MICALL2: variants seen among roughly 807,000 people sequenced by gnomAD.
MICALL2 encodes MICAL like 2.
MICALL2 carries 111 observed loss-of-function variants against 91.1 expected under a neutral mutation model. The ratio of observed to expected loss-of-function variants is 1.22; its 90% CI spans 1.04 to 1.43. The LOEUF (loss-of-function observed/expected upper bound fraction) is 1.43. MICALL2 is among the 40% of genes most tolerant of loss of function. MICALL2 has a pLI of 0.00. For synonymous variants in MICALL2, 694 were observed against 525.3 expected, an observed-to-expected ratio of 1.32 and a Z score of -4.39; for missense variants, 1,556 against 1,236.0, an observed-to-expected ratio of 1.26 and a Z score of -3.88.
intron 1 of MICALL2, among the ~76,000 whole-genome samples, chr7:1,458,864 G>A (rs1781111200): frequency 1.3e-5 from 2 of 152,256 alleles, no homozygotes; most frequent in Admixed American, 6.5e-5. Context: ...GAGCCTCGGA[G>A]GGCCCAAAGA....
chr7:1,435,253 T>A, intron 15 of MICALL2, 106 bp from the exon 16 acceptor site: 1 of 1,145,468 alleles, frequency 8.7e-7, no homozygotes, highest in Non-Finnish European at 1.3e-6. Flanking sequence ...GAGTCCCGCC[T>A]GGACCCATGC....
At chr7:1,443,427 T>C (rs1260510999) in intron 6 of MICALL2, among the ~76,000 whole-genome samples, 1 of 152,176 alleles carries the variant, frequency 6.6e-6, no homozygotes, top group Non-Finnish European at 1.5e-5. Context: ...AACGGCGTTG[T>C]CAGCCAGGCT....
Position 1,448,727 on chromosome 7 carries a change from G to A in MICALL2, c.227C>T (p.Pro76Leu), listed in dbSNP as rs1270483574. ...CATGTCCTCGGCATCCAGCAAGGCTGGGATGCCCAAGTGCTCCTCGGCCAC... is the reference window on the plus strand; with the variant it reads ...CATGTCCTCGGCATCCAGCAAGGCTAGGATGCCCAAGTGCTCCTCGGCCAC... ...FRVAEEHLGI[P>L]ALLDAEDMVA... The change falls in exon 3 of 17, where the codon CCA (proline) becomes CTA (leucine). Residue 76 changes from proline (P) to leucine (L), a missense_variant. Transcript: ENST00000297508. The A allele has an allele frequency of 1.2e-6, 2 of 1,612,640 alleles. No individual in the cohort carries two copies. The highest frequency in any genetic ancestry group is 1.7e-6 in the Non-Finnish European group (2 of 1,179,922).
chr7:1,435,282 G>C (rs2128518256), intron 15 of MICALL2, 135 bp from the exon 16 acceptor site: 1 of 815,048 alleles, frequency 1.2e-6, no homozygotes. Flanking sequence ...CCTTCCTGCT[G>C]ACAGGCCACA....
intron 3 of MICALL2, 41 bp downstream of exon 3, chr7:1,448,579 G>C: frequency 6.2e-7 from 1 of 1,609,920 alleles, no homozygotes. Flanking sequence ...AGGATGGGGG[G>C]CCTGGTCCTG....
intron 5 of MICALL2, 76 bp downstream of exon 5, chr7:1,446,637 G>C: frequency 7.5e-6 from 8 of 1,068,644 alleles, no homozygotes; most frequent in Non-Finnish European, 1.1e-5. Flanking sequence ...AGGCCGGGTG[G>C]GAGGCGATGG....
rs77673291 is a variant in MICALL2, at chr7:1,451,592, T to C, written c.144-1304A>G. 0.048 allele frequency among the ~76,000 whole-genome samples: 7,249 copies of C among 152,258 alleles called. 567 individuals carry two copies. The highest frequency in any genetic ancestry group is 0.16 in the African/African-American group (6,731 of 41,536). On this transcript the variant is annotated intron_variant, in intron 1 of 16. Coordinates refer to ENST00000297508, the MANE Select transcript of MICALL2 (RefSeq NM_182924.4). This position sits in a 1 kb window ranked among gnomAD's most constrained non-coding sequence, Gnocchi z 4.5. ...CAGCTGCTGCCATGTCAGCGTGAAC[T>C]GGACTGTTCTAGAAGCTTCCTGGCC...
Position 1,438,326 on chromosome 7 carries a change from G to A in MICALL2, c.2150C>T (p.Pro717Leu), listed in dbSNP as rs145958968. 1,290 of 1,605,094 alleles carry A rather than the reference G, an allele frequency of 8.0e-4. 10 individuals are homozygous for A. In the African/African-American group the frequency reaches 0.016, roughly 19 times the overall value. ...PGRPLSPANV[P>L]ALPGETVTSP... The stretch of plus-strand genomic sequence containing the variant: ...GGTCACCGTCTCGCCAGGCAGAGCA[G>A]GGACATTGGCCGGGGACAAGGGTCT... Residue 717 changes from proline to leucine, a missense_variant, in exon 11 of 17, where the codon CCT becomes CTT. Physicochemically the swap from Pro to Leu is moderately conservative, Grantham distance 98. Coordinates refer to ENST00000297508, the MANE Select transcript of MICALL2 (RefSeq NM_182924.4).
intron 8 of MICALL2, 74 bp downstream of exon 8, chr7:1,440,517 C>A (rs965048134): frequency 6.0e-6 from 8 of 1,333,630 alleles, no homozygotes; most frequent in South Asian, 2.3e-5. Context: ...GTCAATCGGT[C>A]GATTACATAC....
rs1348287334 is a variant in MICALL2, at chr7:1,437,978, C to T, written c.2314G>A (p.Asp772Asn). ...TCCACCATGAGGCTATCCTCAGCGT[C>T]ATCTGGGGAGAGGAGCCAGCTGGGG... ...EKRLRAAEGD[D>N]AEDSLMVDWF... The change falls in exon 13 of 17, where the codon GAC (aspartate) becomes AAC (asparagine). Residue 772 changes from aspartate (D) to asparagine (N), a missense_variant and splice_region_variant. Physicochemically the swap from Asp to Asn is conservative, Grantham distance 23 (BLOSUM62 1). Transcript: ENST00000297508. The T allele has an allele frequency of 6.4e-7, 1 of 1,550,684 alleles. No individual in the cohort carries two copies. Among genetic ancestry groups the T allele is most frequent in the Non-Finnish European group, 8.7e-7 (1 of 1,147,520 alleles).
In MICALL2 at chr7:1,439,944, G is replaced by T; in HGVS notation, c.1947C>A (p.Ser649Arg). ...GAGTACCTGGGAGGCTGGGTCCTGG[G>T]CTGGCTGGGCGTGGGGTCCTGTCAG... is the stretch of plus-strand genomic sequence containing the variant. The part of the protein sequence containing the change: ...VRPDRTPRPA[S>R]PGPSLPARSP... The change falls in exon 9 of 17, where the codon AGC (serine) becomes AGA (arginine). Residue 649 changes from serine to arginine, a missense_variant. Transcript: ENST00000297508. 1 of 1,489,824 alleles carries T rather than the reference G, an allele frequency of 6.7e-7. No homozygotes were observed. The highest frequency in any genetic ancestry group is 8.9e-7 in the Non-Finnish European group (1 of 1,128,104). 92.3% of individuals were successfully genotyped at this position (1,489,824 alleles called of 1,614,324 possible).
rs113280236 is a variant in MICALL2, at chr7:1,439,760, A to T, written c.1966+165T>A. On this transcript the variant is annotated intron_variant, in intron 9 of 16. Transcript: ENST00000297508. ...GCACACATGCATCACACACATGCAC[A>T]CATGTACACACAAGCCTGCCCAGGA... The T allele has an allele frequency of 7.5e-3, 3,761 of 500,222 alleles. 98 individuals are homozygous for T. Among genetic ancestry groups the T allele is most frequent in the African/African-American group, 0.057 (2,824 of 49,636 alleles). 31.0% of individuals were successfully genotyped at this position (500,222 alleles called of 1,614,324 possible).
chr7:1,453,936 C>G (rs949095934), intron 1 of MICALL2, among the ~76,000 whole-genome samples: 1 of 152,164 alleles, frequency 6.6e-6, no homozygotes, highest in Non-Finnish European at 1.5e-5. Context: ...GTCTGTGTGT[C>G]GGTCACAAGA....
At chr7:1,454,885 G>A (rs1373434648) in intron 1 of MICALL2, among the ~76,000 whole-genome samples, 1 of 152,150 alleles carries the variant, frequency 6.6e-6, no homozygotes, top group African/African-American at 2.4e-5. Flanking sequence ...CACAGCGGCC[G>A]CCCCAGCCAC....
At position 1,447,784 on chromosome 7, in the gene MICALL2, G is replaced by T. The variant is rs1164415998; in HGVS notation, c.335-19C>A. 6.7e-7 allele frequency: 1 copy of T among 1,493,306 alleles called. No individual in the cohort carries two copies. Among genetic ancestry groups the T allele is most frequent in the Non-Finnish European group, 9.0e-7 (1 of 1,114,912 alleles). 92.5% of individuals were successfully genotyped at this position (1,493,306 alleles called of 1,614,324 possible). ...CCCCCAACTGGAGGAATCAAGCAGG[G>T]ATCGGGAGGGTCCCAGGCCTGGCTC... On this transcript the variant is annotated intron_variant, in intron 3 of 16. Coordinates refer to ENST00000297508, the MANE Select transcript of MICALL2 (RefSeq NM_182924.4).
rs746317966 is a variant in MICALL2 at position 1,446,741 on chromosome 7, C to G, written c.613G>C (p.Gly205Arg). Reference protein sequence around the residue: ...VHLVQRHLADGRLYHRSCFRC... With the variant: ...VHLVQRHLADRRLYHRSCFRC... ...AAGCAGCTCCGGTGGTAAAGCCTCC[C>G]GTCGGCCAGGTGCCGCTGTACCAGG... The change falls in exon 5 of 17, where the codon GGG becomes CGG. Residue 205 changes from glycine to arginine, a missense_variant. Gly to Arg is a moderately radical substitution (Grantham distance 125). Transcript: ENST00000297508. 2.5e-6 allele frequency: 4 copies of G among 1,605,882 alleles called. No homozygotes were observed. Among genetic ancestry groups the G allele is most frequent in the Non-Finnish European group, 3.4e-6 (4 of 1,177,462 alleles).
At chr7:1,450,480 T>C (rs1780785987) in intron 1 of MICALL2, 192 bp from the exon 2 acceptor site, 1 of 598,522 alleles carries the variant, frequency 1.7e-6, no homozygotes, top group Non-Finnish European at 3.1e-6. Flanking sequence ...ACGGTGATGC[T>C]GCTGGGACCG....
intron 1 of MICALL2, 134 bp downstream of exon 1, chr7:1,459,050 T>C (rs1350845526): frequency 1.1e-5 from 10 of 887,596 alleles, no homozygotes; most frequent in Non-Finnish European, 1.7e-5. Context: ...CTCGGGGGGC[T>C]GCACGGTGGG....
intron 1 of MICALL2, 89 bp downstream of exon 1, chr7:1,459,095 T>C: frequency 7.3e-7 from 1 of 1,378,100 alleles, no homozygotes; most frequent in Non-Finnish European, 9.9e-7. Context: ...CGGCTCCCCA[T>C]CCCCCAGCCG....
Sources: gnomAD v4.1 joint callset for allele counts (sites outside exome capture counted in the v4.1 genomes callset) on GRCh38, gnomAD v4.1.1 for gene constraint, Gnocchi (gnomAD v3.1) non-coding constraint, MANE v1.5 for transcripts, NCBI Gene and HGNC (gene_info 2026-07-23, HGNC 2026-07-21) for gene names.